Variants in MEIOSIN observed in about 807,000 individuals in gnomAD.
MEIOSIN encodes meiosis initiator.
In MEIOSIN, 18 loss-of-function variants were observed where a neutral mutation model predicts 23.4. That is an observed-to-expected ratio of 0.77 (90% CI 0.53 to 1.14). The LOEUF (loss-of-function observed/expected upper bound fraction) is 1.14. Ranked by LOEUF, MEIOSIN falls within the 50% of genes most tolerant of loss-of-function variation. MEIOSIN has a pLI of 0.00. For synonymous variants in MEIOSIN, 187 were observed against 100.6 expected, an observed-to-expected ratio of 1.86 and a Z score of -5.14; for missense variants, 428 against 242.9, an observed-to-expected ratio of 1.76 and a Z score of -5.07.
At chr19:45,746,469 T>G (rs749453867) in intron 4 of MEIOSIN, among the ~76,000 whole-genome samples, 11 of 152,146 alleles carry the variant, frequency 7.2e-5, no homozygotes, top group Non-Finnish European at 1.6e-4. Flanking sequence ...TTCCCTGCCT[T>G]TGACATTCCT....
intron 2 of MEIOSIN, among the ~76,000 whole-genome samples, chr19:45,737,744 C>T (rs1229654723): frequency 5.3e-5 from 8 of 151,824 alleles, no homozygotes; most frequent in Admixed American, 5.3e-4. Flanking sequence ...TCCAGCCTGG[C>T]CAACATGGTG....
chr19:45,754,131 C>CA (rs1441024159), intron 6 of MEIOSIN, among the ~76,000 whole-genome samples: 2 of 152,192 alleles, frequency 1.3e-5, no homozygotes, highest in Non-Finnish European at 2.9e-5. Context: ...CATGTGCCAC[C>CA]ATGCTCAGCT....
rs1054525060 is a variant in MEIOSIN, at chr19:45,764,274, A to G, written c.*156A>G. On this transcript the variant is annotated 3_prime_UTR_variant, in exon 15 of 15. Coordinates refer to ENST00000457052, the MANE Select transcript of MEIOSIN (RefSeq NM_001310124.2). ...GGGAGGGGGGCACTGATTAGCCCCA[A>G]CCGCTGGGCACATTTGCCTGGAGCA... is the stretch of plus-strand genomic sequence containing the variant. 5.0e-6 allele frequency: 2 copies of G among 397,068 alleles called. No homozygotes were observed. Among genetic ancestry groups the G allele is most frequent in the African/African-American group, 4.1e-5 (2 of 48,596 alleles). The allele number at this position is 397,068 out of a possible 1,614,324, so 24.6% of individuals were successfully genotyped here. A position where few individuals can be genotyped will look rare whatever the true frequency, so the allele number is the denominator to read the frequency against.
chr19:45,756,001 C>T lies in MEIOSIN; in HGVS notation c.834C>T (p.Asp278=), dbSNP rs904099424. Residue 278 remains aspartate (D), a synonymous_variant, in exon 8 of 15, where the codon GAC becomes GAT. Coordinates refer to ENST00000457052, the MANE Select transcript of MEIOSIN (RefSeq NM_001310124.2). The part of the protein sequence containing the change: ...SCWCQGSVQD[D]APFPALLAQE... ...GGTGCCAGGGCAGTGTCCAGGATGA[C>T]GCACCTTTCCCTGCGCTCCTGGCTC... 31 of 702,726 alleles carry T rather than the reference C, an allele frequency of 4.4e-5. No homozygotes were observed. The highest frequency in any genetic ancestry group is 5.2e-5 in the African/African-American group (3 of 57,232). The allele number at this position is 702,726 out of a possible 1,614,324, so 43.5% of individuals were successfully genotyped here. A position where few individuals can be genotyped will look rare whatever the true frequency, so the allele number is the denominator to read the frequency against.
chr19:45,748,412 A>G (rs1187380592), intron 4 of MEIOSIN, among the ~76,000 whole-genome samples: 4 of 152,152 alleles, frequency 2.6e-5, no homozygotes, highest in Admixed American at 2.6e-4. Context: ...ATAGAGTCAG[A>G]TGTATCTCAC....
In MEIOSIN at chr19:45,735,405, C is replaced by T; in HGVS notation, c.29C>T (p.Ser10Phe). The change falls in exon 2 of 15, where the codon TCC (serine) becomes TTC (phenylalanine). Residue 10 changes from serine (S) to phenylalanine (F), a missense_variant. Ser to Phe is a radical substitution (Grantham distance 155). Transcript: ENST00000457052. ...TTTGGTTCCAGCAGATACTTGGGTT[C>T]CTCTGAACAGCCCAGAGCTAATTCA... MFGSSRYLGSSEQPRANSLG... is the reference protein window; with the variant it reads MFGSSRYLGFSEQPRANSLG... 1.4e-6 allele frequency: 1 copy of T among 702,804 alleles called. No individual in the cohort carries two copies. The highest frequency in any genetic ancestry group is 2.6e-6 in the Non-Finnish European group (1 of 384,912). 43.5% of individuals were successfully genotyped at this position (702,804 alleles called of 1,614,324 possible).
At chr19:45,740,634 C>T (rs1406481893) in intron 3 of MEIOSIN, among the ~76,000 whole-genome samples, 24 of 151,852 alleles carry the variant, frequency 1.6e-4, no homozygotes, top group Non-Finnish European at 5.9e-5. Context: ...CCTGTAATCT[C>T]AGCTACTCAG....
chr19:45,744,226 G>T (rs1968552836), intron 3 of MEIOSIN, among the ~76,000 whole-genome samples: 1 of 147,520 alleles, frequency 6.8e-6, no homozygotes, highest in Non-Finnish European at 1.5e-5. Flanking sequence ...TGCCATGTTG[G>T]CCAGGCTGGT....
intron 5 of MEIOSIN, among the ~76,000 whole-genome samples, chr19:45,751,198 G>A (rs555430262): frequency 1.1e-4 from 16 of 151,590 alleles, no homozygotes; most frequent in African/African-American, 3.6e-4. Context: ...CTTGAACCTG[G>A]GAGGCGGAGG....
intron 9 of MEIOSIN, among the ~76,000 whole-genome samples, chr19:45,757,559 C>T (rs1968854733): frequency 6.6e-6 from 1 of 152,160 alleles, no homozygotes; most frequent in South Asian, 2.1e-4. Flanking sequence ...TTCACTCTGT[C>T]GTCCAAGCTG....
At chr19:45,754,173 C>T (rs1413587089) in intron 6 of MEIOSIN, among the ~76,000 whole-genome samples, 1 of 152,120 alleles carries the variant, frequency 6.6e-6, no homozygotes, top group Non-Finnish European at 1.5e-5. Flanking sequence ...GACAGGGTTT[C>T]GCCATGTTGG....
At chr19:45,750,075 C>T (rs539393284) in intron 4 of MEIOSIN, among the ~76,000 whole-genome samples, 35 of 144,152 alleles carry the variant, frequency 2.4e-4, no homozygotes, top group South Asian at 2.0e-3. Context: ...CTCAAGACAA[C>T]GTGGGGCTGC....
intron 5 of MEIOSIN, 32 bp downstream of exon 5, chr19:45,750,818 T>C: frequency 3.5e-6 from 2 of 576,460 alleles, no homozygotes; most frequent in Non-Finnish European, 6.1e-6. Flanking sequence ...TCCTGGTGCC[T>C]GTGATGTTCC....
rs572941590 is a variant in MEIOSIN at position 45,741,234 on chromosome 19, C to A, written c.176+1504C>A. On this transcript the variant is annotated intron_variant, in intron 3 of 14. Transcript: ENST00000457052. Reference sequence around the variant, plus strand: ...TGGTGGCGGGCACCTGCAATCCCAGCTACTTGGGTTGCTGATGCAGAAGAA... The same window carrying A: ...TGGTGGCGGGCACCTGCAATCCCAGATACTTGGGTTGCTGATGCAGAAGAA... Among the ~76,000 whole-genome samples the A allele has an allele frequency of 3.2e-3, 484 of 152,042 alleles. 6 individuals are homozygous for A. The highest frequency in any genetic ancestry group is 0.011 in the African/African-American group (456 of 41,486).
intron 14 of MEIOSIN, among the ~76,000 whole-genome samples, chr19:45,763,652 A>T (rs1968993868): frequency 6.6e-6 from 1 of 151,732 alleles, no homozygotes; most frequent in Non-Finnish European, 1.5e-5. Context: ...CCCCTGCCTC[A>T]ATTCTTTTGC....
At chr19:45,746,305 G>C (rs1326962713) in intron 4 of MEIOSIN, among the ~76,000 whole-genome samples, 1 of 152,168 alleles carries the variant, frequency 6.6e-6, no homozygotes, top group East Asian at 1.9e-4. Flanking sequence ...AGCAGGGTTG[G>C]TTCCTCTTAG....
chr19:45,745,087 G>A (rs762002274), intron 3 of MEIOSIN, 105 bp from the exon 4 acceptor site: 1 of 667,600 alleles, frequency 1.5e-6, no homozygotes, highest in Non-Finnish European at 2.7e-6. Context: ...TCCAGGGTGG[G>A]GTGCGGGCAG....
intron 9 of MEIOSIN, among the ~76,000 whole-genome samples, 167 bp downstream of exon 9, chr19:45,757,444 A>C (rs181823093): frequency 6.6e-6 from 1 of 152,222 alleles, no homozygotes; most frequent in Non-Finnish European, 1.5e-5. Flanking sequence ...CACCGCTGCC[A>C]CGGAGGCTTG....
In MEIOSIN at chr19:45,759,431, G is replaced by T. The variant is rs922884952; in HGVS notation, c.1186G>T (p.Val396Leu). The T allele has an allele frequency of 2.8e-6, 2 of 703,426 alleles. No individual in the cohort carries two copies. The highest frequency in any genetic ancestry group is 5.2e-6 in the Non-Finnish European group (2 of 385,102). The allele number at this position is 703,426 out of a possible 1,614,324, so 43.6% of individuals were successfully genotyped here. The change falls in exon 11 of 15, where the codon GTG (valine) becomes TTG (leucine). Residue 396 changes from valine to leucine, a missense_variant. Coordinates refer to ENST00000457052, the MANE Select transcript of MEIOSIN (RefSeq NM_001310124.2). ...YLTQAAFFEE[V>L]CLDLESSPSA... ...CTCCCTAGCGGCTTTCTTTGAAGAA[G>T]TGTGCTTAGATCTGGAGTCTTCACC...
Sources: gnomAD v4.1 joint callset for allele counts (sites outside exome capture counted in the v4.1 genomes callset) on GRCh38, gnomAD v4.1.1 for gene constraint, MANE v1.5 for transcripts, NCBI Gene and HGNC (gene_info 2026-07-23, HGNC 2026-07-21) for gene names.